The following LMAN1L variants were observed in gnomAD, a reference collection of about 807,000 sequenced individuals.
LMAN1L encodes the protein protein ERGIC-53-like.
A neutral mutation model predicts 58.3 loss-of-function variants in LMAN1L; 60 were observed. The observed-to-expected ratio is 1.03, with a 90% confidence interval of 0.84 to 1.27. The LOEUF is 1.27. Among genes scored for constraint, LMAN1L ranks in the 50% most tolerant of loss-of-function variants. LMAN1L has a pLI of 0.00. For synonymous variants in LMAN1L, 280 were observed against 271.6 expected, an observed-to-expected ratio of 1.03 and a Z score of -0.31; for missense variants, 629 against 674.0, an observed-to-expected ratio of 0.93 and a Z score of 0.74.
intron 4 of LMAN1L, among the ~76,000 whole-genome samples, chr15:74,816,988 G>C (rs977186232): frequency 2.6e-5 from 4 of 152,180 alleles, no homozygotes; most frequent in African/African-American, 9.7e-5. Context: ...CCCATTTACA[G>C]GTCAGGACAT....
chr15:74,821,034 C>A, intron 8 of LMAN1L, 41 bp from the exon 9 acceptor site: 1 of 1,531,628 alleles, frequency 6.5e-7, no homozygotes. Flanking sequence ...TGTTACCCCA[C>A]CATGGCTGGC....
intron 5 of LMAN1L, 103 bp from the exon 6 acceptor site, chr15:74,819,049 C>T (rs900681700): frequency 7.1e-7 from 1 of 1,400,618 alleles, no homozygotes; most frequent in Admixed American, 2.1e-5. Context: ...CCATGCCATT[C>T]TGATACCAAG....
chr15:74,825,653 G>T lies in LMAN1L; in HGVS notation c.*48G>T, dbSNP rs780286583. 15 of 1,582,298 alleles carry T rather than the reference G, an allele frequency of 9.5e-6. No individual in the cohort carries two copies. Among genetic ancestry groups the T allele is most frequent in the Non-Finnish European group, 1.2e-5 (14 of 1,160,776 alleles). On this transcript the variant is annotated 3_prime_UTR_variant, in exon 14 of 14. Transcript: ENST00000309664. ...ATCACTGGGAAGCAGGCAGTGTCTT[G>T]GGTGGGGGCTTGGTCAGTATCCTCT...
chr15:74,821,011 A>G, intron 8 of LMAN1L, 64 bp from the exon 9 acceptor site: 1 of 1,486,486 alleles, frequency 6.7e-7, no homozygotes, highest in Non-Finnish European at 9.0e-7. Context: ...CACCCCAAAG[A>G]TAAGATAGGC....
At chr15:74,813,276 T>C in intron 1 of LMAN1L, 1 of 629,568 alleles carries the variant, frequency 1.6e-6, no homozygotes, top group East Asian at 3.2e-5. Context: ...GACTTCTCTC[T>C]TCTCCTCTGC....
chr15:74,818,814 G>A lies in LMAN1L; in HGVS notation c.594G>A (p.Leu198=). 6.2e-7 allele frequency: 1 copy of A among 1,606,834 alleles called. No homozygotes were observed. The highest frequency in any genetic ancestry group is 8.5e-7 in the Non-Finnish European group (1 of 1,176,990). ...RARITYWGQR[L]RMSLNSGLTP... is the part of the protein sequence containing the mutation. ...GGATCACCTACTGGGGGCAGAGGCT[G>A]CGCGTGAGTCACCCTTCCTGCTTCT... Residue 198 remains leucine (L), a synonymous_variant, in exon 5 of 14, where the codon CTG becomes CTA. Transcript: ENST00000309664.
chr15:74,820,386 G>A, intron 7 of LMAN1L: 1 of 625,032 alleles, frequency 1.6e-6, no homozygotes, highest in South Asian at 1.9e-5. Context: ...ACCAGCCAGG[G>A]GGTCAAGGAA....
Position 74,818,713 on chromosome 15 carries a change from C to T in LMAN1L, c.498-5C>T. The T allele has an allele frequency of 1.2e-6, 2 of 1,601,790 alleles. No homozygotes were observed. The highest frequency in any genetic ancestry group is 1.1e-5 in the South Asian group (1 of 88,792). On this transcript the variant is annotated splice_polypyrimidine_tract_variant and splice_region_variant and intron_variant, in intron 4 of 13. Transcript: ENST00000309664. ...AAAACAAACAAATGAACAAACTGCC[C>T]ACAGGGATGGAGCTAGCCAAGGGCT...
intron 10 of LMAN1L, 114 bp downstream of exon 10, chr15:74,822,014 A>G: frequency 1.4e-6 from 1 of 717,282 alleles, no homozygotes; most frequent in Non-Finnish European, 2.4e-6. Flanking sequence ...AGGGGACAGA[A>G]CCACTTTTAG....
chr15:74,821,365 C>T, intron 9 of LMAN1L, 139 bp downstream of exon 9: 1 of 1,063,252 alleles, frequency 9.4e-7, no homozygotes, highest in Non-Finnish European at 1.3e-6. Flanking sequence ...CAGGATGGGG[C>T]AGGGCAGCAT....
At position 74,816,691 on chromosome 15, in the gene LMAN1L, G is replaced by A; in HGVS notation, c.497+1G>A. 2 of 1,613,734 alleles carry A rather than the reference G, an allele frequency of 1.2e-6. No individual in the cohort carries two copies. The highest frequency in any genetic ancestry group is 2.2e-5 in the South Asian group (2 of 91,074). Reference sequence around the variant, plus strand: ...GGCACATCCCCTCTGAGCAGCCTGGGTAAGGGCCTGTCTGGACTGACCACT... The same window carrying A: ...GGCACATCCCCTCTGAGCAGCCTGGATAAGGGCCTGTCTGGACTGACCACT... On this transcript the variant is annotated splice_donor_variant, in intron 4 of 13. Transcript: ENST00000309664. LOFTEE classifies it high-confidence loss of function.
rs554582263 is a variant in LMAN1L, at chr15:74,822,751, C to T, written c.1199+42C>T. 1.6e-4 allele frequency: 237 copies of T among 1,446,776 alleles called. 1 individual carries two copies. In the South Asian group the frequency reaches 2.1e-3, roughly 13 times the overall value. 89.6% of individuals were successfully genotyped at this position (1,446,776 alleles called of 1,614,324 possible). A position where few individuals can be genotyped will look rare whatever the true frequency, so the allele number is the denominator to read the frequency against. On this transcript the variant is annotated intron_variant, in intron 11 of 13. Coordinates refer to ENST00000309664, the MANE Select transcript of LMAN1L (RefSeq NM_021819.3). ...GGACCCCTCCACCACCTTGTTTCTC[C>T]GCCTTAAGTTCCTCCATTAGCCCTT...
At chr15:74,821,276 GAGCAAGCACTGTAGTC>G (rs2063915620) in intron 9 of LMAN1L, 50 bp downstream of exon 9, 1 of 1,538,330 alleles carries the variant, frequency 6.5e-7, no homozygotes, top group Non-Finnish European at 8.8e-7. Flanking sequence ...CCTGAAAGAG[GAGCAAGCACTGTAGTC>G]AGCAACTAGT....
intron 13 of LMAN1L, 177 bp downstream of exon 13, chr15:74,824,655 C>T (rs900184803): frequency 3.0e-6 from 2 of 670,380 alleles, no homozygotes; most frequent in African/African-American, 3.6e-5. Flanking sequence ...TACTGACCAC[C>T]TGCTCGGCCC....
At position 74,816,295 on chromosome 15, in the gene LMAN1L, G is replaced by A. The variant is rs3803568; in HGVS notation, c.314G>A (p.Arg105Gln). The A allele has an allele frequency of 0.064, 103,863 of 1,611,594 alleles. 8,225 individuals carry two copies. Among genetic ancestry groups the A allele is most frequent in the South Asian group, 0.33 (30,004 of 90,970 alleles). Reference protein sequence around the residue: ...VQMRVTGLGRRGAQGMAVWYT... With the variant: ...VQMRVTGLGRQGAQGMAVWYT... ...ATGAGGGTGACGGGACTGGGGCGCC[G>A]GGGAGCCCAGGGCATGGTGAGTGTC... The change falls in exon 2 of 14, where the codon CGG (arginine) becomes CAG (glutamine). Residue 105 changes from arginine to glutamine, a missense_variant. This residue lies in a region of LMAN1L where 573 missense variants were observed against 597.3 expected (regional missense o/e 0.96). Coordinates refer to ENST00000309664, the MANE Select transcript of LMAN1L (RefSeq NM_021819.3).
intron 4 of LMAN1L, 120 bp from the exon 5 acceptor site, chr15:74,818,598 G>A (rs1414505742): frequency 1.4e-6 from 1 of 729,384 alleles, no homozygotes; most frequent in Non-Finnish European, 2.4e-6. Context: ...GGAGGCTGAG[G>A]TGGGAGGATC....
rs1284360404 is a variant in LMAN1L at position 74,813,283 on chromosome 15, C to A, written c.175+254C>A. On this transcript the variant is annotated intron_variant, in intron 1 of 13. Transcript: ENST00000309664. ...TGCCCCAGGACTTCTCTCTTCTCCTCTGCCTCTCCTTGGACCCCTGCCCTT... is the reference window on the plus strand; with the variant it reads ...TGCCCCAGGACTTCTCTCTTCTCCTATGCCTCTCCTTGGACCCCTGCCCTT... 3 of 619,834 alleles carry A rather than the reference C, an allele frequency of 4.8e-6. No individual in the cohort carries two copies. The Admixed American group carries it at 6.3e-5, about 13-fold the overall frequency. The allele number at this position is 619,834 out of a possible 1,614,324, so 38.4% of individuals were successfully genotyped here. A position where few individuals can be genotyped will look rare whatever the true frequency, so the allele number is the denominator to read the frequency against.
intron 8 of LMAN1L, 46 bp from the exon 9 acceptor site, chr15:74,821,029 C>T (rs770025621): frequency 6.6e-7 from 1 of 1,522,864 alleles, no homozygotes. Context: ...GGCTGTGTTA[C>T]CCCACCATGG....
chr15:74,820,429 T>A (rs2063911087), intron 7 of LMAN1L: 1 of 701,246 alleles, frequency 1.4e-6, no homozygotes, highest in African/African-American at 1.8e-5. Context: ...TAAAGGAGCC[T>A]CGGACCAGCA....
Sources: gnomAD v4.1 joint callset for allele counts (sites outside exome capture counted in the v4.1 genomes callset) on GRCh38, gnomAD v4.1.1 for gene constraint, gnomAD v4.1.1 regional missense constraint, MANE v1.5 for transcripts, NCBI Gene and HGNC (gene_info 2026-07-23, HGNC 2026-07-21) for gene names.